GRM7: variants seen among roughly 807,000 people sequenced by gnomAD.
GRM7 encodes the protein glutamate metabotropic receptor 7, also known as metabotropic glutamate receptor 7.
GRM7 carries 35 observed loss-of-function variants against 84.5 expected under a neutral mutation model. The observed-to-expected ratio is 0.41, with a 90% CI of 0.32 to 0.55. The LOEUF is 0.55. GRM7 is among the 20% of genes least tolerant of loss of function. The pLI, the probability that GRM7 is intolerant of heterozygous loss-of-function variation, is 0.19. For missense variants in GRM7, 1,003 were observed against 1,194.6 expected (o/e 0.84, Z 2.36); for synonymous variants, 487 against 455.1 (o/e 1.07, Z -0.89).
chr3:7,124,594 G>A (rs1344573056), intron 1 of GRM7, among the ~76,000 whole-genome samples: 1 of 152,104 alleles, frequency 6.6e-6, no homozygotes, highest in African/African-American at 2.4e-5. Context: ...ATTGATAAAA[G>A]ATTCATTATT....
intron 9 of GRM7, among the ~76,000 whole-genome samples, chr3:7,738,970 A>G (rs1305451963): frequency 6.6e-6 from 1 of 152,220 alleles, no homozygotes; most frequent in African/African-American, 2.4e-5. Flanking sequence ...TATTGAGGCC[A>G]TGTGTTCATC....
intron 1 of GRM7, among the ~76,000 whole-genome samples, chr3:7,053,050 G>A (rs1164025202): frequency 6.7e-6 from 1 of 148,672 alleles, no homozygotes; most frequent in Non-Finnish European, 1.5e-5. Context: ...TATTCTCAAT[G>A]ACACTTAGTC....
chr3:7,411,015 C>T (rs1443401028), intron 4 of GRM7, among the ~76,000 whole-genome samples: 1 of 152,112 alleles, frequency 6.6e-6, no homozygotes, highest in Non-Finnish European at 1.5e-5. Flanking sequence ...CCAGGTTCTG[C>T]TGGTTCCAAG....
At chr3:7,167,617 T>C (rs996861438) in intron 2 of GRM7, among the ~76,000 whole-genome samples, 1 of 152,086 alleles carries the variant, frequency 6.6e-6, no homozygotes, top group African/African-American at 2.4e-5. Flanking sequence ...TCTTTCTAGG[T>C]TCCAGTCATT....
At chr3:7,735,274 T>C (rs1702466810) in intron 9 of GRM7, among the ~76,000 whole-genome samples, 1 of 152,144 alleles carries the variant, frequency 6.6e-6, no homozygotes, top group African/African-American at 2.4e-5. Context: ...ATGCAGAAGT[T>C]TGGTGAGATT....
chr3:7,033,178 G>A (rs1208958570), intron 1 of GRM7, among the ~76,000 whole-genome samples: 2 of 151,968 alleles, frequency 1.3e-5, no homozygotes, highest in Non-Finnish European at 2.9e-5. Flanking sequence ...ACCCTTCAGT[G>A]TGTCTATATA....
intron 1 of GRM7, among the ~76,000 whole-genome samples, chr3:6,920,833 A>G (rs1041931156): frequency 7.2e-5 from 11 of 152,042 alleles, no homozygotes; most frequent in Non-Finnish European, 1.0e-4. Context: ...TGTATTTCAT[A>G]TATTATTTCA....
intron 1 of GRM7, among the ~76,000 whole-genome samples, chr3:6,894,470 C>G (rs9853001): frequency 0.029 from 4,376 of 151,948 alleles, 210 homozygotes; most frequent in African/African-American, 0.099. Flanking sequence ...TGTTTCTATC[C>G]TAAAAATGCT....
At chr3:7,100,389 A>G (rs534389424) in intron 1 of GRM7, among the ~76,000 whole-genome samples, 126 of 151,814 alleles carry the variant, frequency 8.3e-4, no homozygotes, top group African/African-American at 2.9e-3. Context: ...CAGCTCCCCA[A>G]GAGGCTAACT....
chr3:6,917,572 C>T (rs1696985218), intron 1 of GRM7, among the ~76,000 whole-genome samples: 1 of 149,968 alleles, frequency 6.7e-6, no homozygotes, highest in African/African-American at 2.5e-5. Flanking sequence ...AAATGGTTCC[C>T]TGGGAATGCA....
At chr3:6,927,457 G>A (rs963985346) in intron 1 of GRM7, among the ~76,000 whole-genome samples, 1 of 68,568 alleles carries the variant, frequency 1.5e-5, no homozygotes. Flanking sequence ...AAGAAAGAAA[G>A]AGAGAGAGAA....
At chr3:7,033,970 T>C (rs570372322) in intron 1 of GRM7, among the ~76,000 whole-genome samples, 1 of 152,202 alleles carries the variant, frequency 6.6e-6, no homozygotes, top group African/African-American at 2.4e-5. Context: ...AATATTGAAG[T>C]GCAATTGCCT....
chr3:7,434,541 T>C (rs1696963528), intron 5 of GRM7, among the ~76,000 whole-genome samples: 1 of 152,224 alleles, frequency 6.6e-6, no homozygotes, highest in African/African-American at 2.4e-5. Flanking sequence ...GATATGTTTG[T>C]ATCTGTTGAG....
At chr3:7,455,242 A>C (rs892114862) in intron 6 of GRM7, among the ~76,000 whole-genome samples, 5 of 152,170 alleles carry the variant, frequency 3.3e-5, no homozygotes, top group Non-Finnish European at 2.9e-5. Flanking sequence ...GTTAAGATGG[A>C]AATACAAAGT....
chr3:7,446,762 G>C (rs1431209838), intron 5 of GRM7, among the ~76,000 whole-genome samples: 2 of 151,898 alleles, frequency 1.3e-5, no homozygotes, highest in Non-Finnish European at 2.9e-5. Context: ...GCCCGGCCAG[G>C]ATTTTTTTTT....
intron 8 of GRM7, among the ~76,000 whole-genome samples, chr3:7,651,025 TG>T (rs1363546777): frequency 2.8e-5 from 4 of 140,992 alleles, no homozygotes; most frequent in African/African-American, 7.8e-5. Context: ...AGGAAAATTG[TG>T]GGGAAAGAAG....
At chr3:7,267,203 AG>A (rs1698674821) in intron 2 of GRM7, among the ~76,000 whole-genome samples, 1 of 152,260 alleles carries the variant, frequency 6.6e-6, no homozygotes, top group African/African-American at 2.4e-5. Context: ...GGAAATCAAA[AG>A]CTCCAAGTAG....
rs755999982 is a variant in GRM7 at position 7,365,647 on chromosome 3, G to GTATATATATATATATA, written c.1034-49373_1034-49358dup. On this transcript the variant is annotated intron_variant, in intron 4 of 9. Transcript: ENST00000357716. The stretch of plus-strand genomic sequence containing the variant: ...AATATGCATGTGTGTGTGCGTGTGT[G>GTATATATATATATATA]TATATATATATATATATACACACAC... Among the ~76,000 whole-genome samples, 1,290 of 129,842 alleles carry GTATATATATATATATA rather than the reference G, an allele frequency of 9.9e-3. 18 individuals are homozygous for GTATATATATATATATA. The highest frequency in any genetic ancestry group is 0.035 in the African/African-American group (1,243 of 35,414). 85.2% of individuals were successfully genotyped at this position (129,842 alleles called of 152,430 possible). A position where few individuals can be genotyped will look rare whatever the true frequency, so the allele number is the denominator to read the frequency against.
intron 2 of GRM7, among the ~76,000 whole-genome samples, chr3:7,270,132 A>T (rs1698799006): frequency 6.6e-6 from 1 of 152,220 alleles, no homozygotes; most frequent in African/African-American, 2.4e-5. Flanking sequence ...GATGCTGCTG[A>T]TCTGGGAAAG....
Sources: gnomAD v4.1 joint callset for allele counts (sites outside exome capture counted in the v4.1 genomes callset) on GRCh38, gnomAD v4.1.1 for gene constraint, MANE v1.5 for transcripts, NCBI Gene and HGNC (gene_info 2026-07-23, HGNC 2026-07-21) for gene names.